TSHZ3: variants seen among roughly 807,000 people sequenced by gnomAD.
TSHZ3 encodes teashirt homolog 3.
A neutral mutation model predicts 64.5 loss-of-function variants in TSHZ3; 10 were observed. The observed-to-expected ratio is 0.16, with a 90% CI of 0.10 to 0.26. TSHZ3 has a LOEUF of 0.26. Among genes scored for constraint, TSHZ3 ranks in the 10% least tolerant of loss-of-function variants. The probability of loss-of-function intolerance (pLI) is 1.00; values close to 1 mark genes in which losing one functional copy is unlikely to be tolerated. For missense variants in TSHZ3, 1,242 were observed against 1,421.7 expected (o/e 0.87, Z 2.03); for synonymous variants, 608 against 593.1 (o/e 1.03, Z -0.36).
At chr19:31,259,276 C>T (rs1035124447) in intron 1 of TSHZ3, among the ~76,000 whole-genome samples, 27 of 151,972 alleles carry the variant, frequency 1.8e-4, no homozygotes, top group African/African-American at 6.1e-4. Flanking sequence ...TCTTTTGGGT[C>T]GACTAAATTT....
At chr19:31,286,601 C>T (rs4805666) in intron 1 of TSHZ3, among the ~76,000 whole-genome samples, 47,923 of 152,142 alleles carry the variant, frequency 0.31, 7,916 homozygotes, top group African/African-American at 0.4. Context: ...TGCAACCCCT[C>T]GGGATGAGTC....
chr19:31,283,013 C>CCTAAGACTTTTAA (rs2145119979), intron 1 of TSHZ3, among the ~76,000 whole-genome samples: 1 of 152,260 alleles, frequency 6.6e-6, no homozygotes, highest in East Asian at 1.9e-4. Context: ...AAGACTTTTA[C>CCTAAGACTTTTAA]CCACTGGTTC....
rs1976212914 is a variant in TSHZ3, at chr19:31,275,480, T to C, written c.*1067A>G. 6.6e-6 allele frequency: 1 copy of C among 152,524 alleles called. No individual in the cohort carries two copies. Among genetic ancestry groups the C allele is most frequent in the Non-Finnish European group, 1.5e-5 (1 of 68,018 alleles). 9.4% of individuals were successfully genotyped at this position (152,524 alleles called of 1,614,324 possible). ...AACCTTTTCAAATAGACTTAACCCT[T>C]TGAGCACTGAGTTTATTTTGAGTGT... On this transcript the variant is annotated 3_prime_UTR_variant, in exon 2 of 2. Coordinates refer to ENST00000240587, the MANE Select transcript of TSHZ3 (RefSeq NM_020856.4).
At chr19:31,310,142 T>C (rs1211927276) in intron 1 of TSHZ3, among the ~76,000 whole-genome samples, 1 of 152,194 alleles carries the variant, frequency 6.6e-6, no homozygotes, top group Non-Finnish European at 1.5e-5. Flanking sequence ...ATTCATTATG[T>C]TGTCATGTTG....
intron 1 of TSHZ3, among the ~76,000 whole-genome samples, chr19:31,261,986 AT>A (rs1206481800): frequency 6.6e-6 from 1 of 152,136 alleles, no homozygotes; most frequent in African/African-American, 2.4e-5. Context: ...CACTTTGTAA[AT>A]TTTGTTATTC....
chr19:31,185,675 A>T (rs1042629600), intron 5 of TSHZ3, among the ~76,000 whole-genome samples: 8 of 152,152 alleles, frequency 5.3e-5, no homozygotes, highest in Admixed American at 4.6e-4. Context: ...CTTTTTAATC[A>T]AGGTATAATT....
At chr19:31,329,842 C>A (rs1599652296) in intron 1 of TSHZ3, among the ~76,000 whole-genome samples, 1 of 152,308 alleles carries the variant, frequency 6.6e-6, no homozygotes, top group Middle Eastern at 3.4e-3. Context: ...ATAATTCTAT[C>A]TTCAGTCCCA....
chr19:31,340,338 C>CAAAAAAAAAAAAAAAAA lies in TSHZ3; in HGVS notation c.40+8825_40+8841dup, dbSNP rs1160334453. The stretch of plus-strand genomic sequence containing the variant: ...ATTAATTAGCAACAGGCCTACAGTA[C>CAAAAAAAAAAAAAAAAA]AAAAAAAAAAAAAAAAAAAAAAAAA... On this transcript the variant is annotated intron_variant, in intron 1 of 1. Transcript: ENST00000240587. Among the ~76,000 whole-genome samples, 44 of 32,754 alleles carry CAAAAAAAAAAAAAAAAA rather than the reference C, an allele frequency of 1.3e-3. 10 individuals carry two copies. Among genetic ancestry groups the CAAAAAAAAAAAAAAAAA allele is most frequent in the East Asian group, 8.5e-3 (8 of 938 alleles). The allele number at this position is 32,754 out of a possible 152,430, so 21.5% of individuals were successfully genotyped here.
chr19:31,312,113 T>G, intron 1 of TSHZ3, among the ~76,000 whole-genome samples: 1 of 152,172 alleles, frequency 6.6e-6, no homozygotes, highest in Non-Finnish European at 1.5e-5. Context: ...GTGACACCAA[T>G]GTTTCCCAGG....
intron 5 of TSHZ3, among the ~76,000 whole-genome samples, chr19:31,195,884 G>T (rs1425111165): frequency 1.3e-5 from 2 of 151,922 alleles, no homozygotes; most frequent in Admixed American, 6.6e-5. Context: ...GATACTTTTT[G>T]AGAAATGAGT....
intron 6 of TSHZ3, among the ~76,000 whole-genome samples, chr19:31,156,272 ATTG>A (rs1197034472): frequency 6.6e-6 from 1 of 152,262 alleles, no homozygotes; most frequent in African/African-American, 2.4e-5. Flanking sequence ...TTCAATAAAT[ATTG>A]TTAACTGAAA....
intron 1 of TSHZ3, chr19:31,305,878 T>C (rs1289670953): frequency 6.6e-6 from 1 of 152,222 alleles, no homozygotes; most frequent in African/African-American, 2.4e-5. Flanking sequence ...GTTTCCAATT[T>C]TATCAGTATA....
chr19:31,320,382 G>A (rs760229957), intron 1 of TSHZ3, among the ~76,000 whole-genome samples: 35 of 152,120 alleles, frequency 2.3e-4, no homozygotes, highest in Non-Finnish European at 3.8e-4. Flanking sequence ...GCTGTTGCCC[G>A]TGGCTGCCGT....
intron 4 of TSHZ3, among the ~76,000 whole-genome samples, chr19:31,217,742 A>ACCTACAAAGCAGTGTATAGAAT (rs1362137625): frequency 2.0e-5 from 3 of 152,180 alleles, no homozygotes; most frequent in Non-Finnish European, 4.4e-5. Context: ...GCATGTATCC[A>ACCTACAAAGCAGTGTATAGAAT]CCTACAAAGC....
At chr19:31,231,865 A>G (rs1013551684) in intron 3 of TSHZ3, among the ~76,000 whole-genome samples, 1 of 152,164 alleles carries the variant, frequency 6.6e-6, no homozygotes, top group East Asian at 1.9e-4. Context: ...ACTGATTTAT[A>G]TCACCAAAGC....
chr19:31,299,679 C>T (rs567057375), intron 1 of TSHZ3, among the ~76,000 whole-genome samples: 12 of 152,272 alleles, frequency 7.9e-5, no homozygotes, highest in African/African-American at 2.9e-4. Flanking sequence ...CGTGTCCACA[C>T]ATAGCAAGGG....
In TSHZ3 at chr19:31,240,307, A is replaced by G. The variant is rs75442496; in HGVS notation, n.550+1962T>C. The stretch of plus-strand genomic sequence containing the variant: ...TTATATTAGAAAGTAAAGCAGACAA[A>G]TTGTTAAAAATATGTATTTTGACAC... On this transcript the variant is annotated intron_variant and non_coding_transcript_variant, in intron 3 of 6. Transcript: ENST00000651361. Among the ~76,000 whole-genome samples the G allele has an allele frequency of 1.7e-4, 26 of 152,292 alleles. No individual in the cohort carries two copies. In the East Asian group the frequency reaches 3.3e-3, roughly 19 times the overall value.
intron 1 of TSHZ3, among the ~76,000 whole-genome samples, chr19:31,328,684 T>C (rs1354258881): frequency 6.6e-6 from 1 of 152,192 alleles, no homozygotes; most frequent in African/African-American, 2.4e-5. Context: ...AGAGAGAAAC[T>C]GTGAGGTGTT....
chr19:31,333,676 G>A (rs1917162104), intron 1 of TSHZ3, among the ~76,000 whole-genome samples: 1 of 152,018 alleles, frequency 6.6e-6, no homozygotes, highest in African/African-American at 2.4e-5. Flanking sequence ...GGGCCCGGGG[G>A]ACTTTACAGT....
Sources: allele counts gnomAD v4.1 joint callset (sites outside exome capture counted in the v4.1 genomes callset), GRCh38; gene constraint gnomAD v4.1.1; transcripts MANE v1.5; gene names NCBI Gene and HGNC (gene_info 2026-07-23, HGNC 2026-07-21).